KCNB2: variants seen among roughly 807,000 people sequenced by gnomAD.
KCNB2 encodes the protein potassium voltage-gated channel subfamily B member 2, also known as delayed rectifier potassium channel protein.
In KCNB2, 15 loss-of-function variants were observed where a neutral mutation model predicts 61.5. That is an observed-to-expected ratio of 0.24 (90% CI 0.16 to 0.38). The LOEUF (loss-of-function observed/expected upper bound fraction) is 0.38, where lower values mean the gene tolerates loss of function less well. Among genes scored for constraint, KCNB2 ranks in the 10% least tolerant of loss-of-function variants. The pLI is 1.00. For synonymous variants in KCNB2, 457 were observed against 446.0 expected, an observed-to-expected ratio of 1.02 and a Z score of -0.31; for missense variants, 828 against 1,125.2, an observed-to-expected ratio of 0.74 and a Z score of 3.78.
intron 2 of KCNB2, among the ~76,000 whole-genome samples, chr8:72,816,839 C>T (rs1389159364): frequency 1.3e-5 from 2 of 152,176 alleles, no homozygotes; most frequent in African/African-American, 4.8e-5. Flanking sequence ...ACTGCCGTTT[C>T]TTGCACACTG....
chr8:72,638,691 C>T lies in KCNB2; in HGVS notation c.579+70378C>T, dbSNP rs142795826. 6.3e-3 allele frequency among the ~76,000 whole-genome samples: 966 copies of T among 152,226 alleles called. 5 individuals carry two copies. Among genetic ancestry groups the T allele is most frequent in the Non-Finnish European group, 7.2e-3 (488 of 67,996 alleles). On this transcript the variant is annotated intron_variant, in intron 2 of 2. Coordinates refer to ENST00000523207, the MANE Select transcript of KCNB2 (RefSeq NM_004770.3). ...GAAATCCAGTCTCAATCAAGTCCTACTCTTTTGTAGCTGGAAAAAACTCAG... is the reference window on the plus strand; with the variant it reads ...GAAATCCAGTCTCAATCAAGTCCTATTCTTTTGTAGCTGGAAAAAACTCAG...
intron 2 of KCNB2, among the ~76,000 whole-genome samples, chr8:72,717,777 CA>C (rs1409146070): frequency 6.6e-6 from 1 of 152,044 alleles, no homozygotes; most frequent in Non-Finnish European, 1.5e-5. Flanking sequence ...ACTAAAACAC[CA>C]AAAGCAATGG....
At chr8:72,786,064 A>G (rs1484070847) in intron 2 of KCNB2, among the ~76,000 whole-genome samples, 5 of 152,066 alleles carry the variant, frequency 3.3e-5, no homozygotes, top group Non-Finnish European at 7.4e-5. Flanking sequence ...GAAAAAAAAA[A>G]AAAGCAAAAA....
chr8:72,844,774 T>C (rs6993144), intron 2 of KCNB2, among the ~76,000 whole-genome samples: 129,801 of 152,202 alleles, frequency 0.85, 56,320 homozygotes, highest in Middle Eastern at 0.97. Flanking sequence ...TTGTGCTGTG[T>C]TTTTCAGCTC....
intron 2 of KCNB2, among the ~76,000 whole-genome samples, chr8:72,848,868 G>T (rs565594928): frequency 6.6e-6 from 1 of 151,810 alleles, no homozygotes; most frequent in South Asian, 2.1e-4. Flanking sequence ...ACCTTCTACC[G>T]TCAAGGAGCT....
chr8:72,582,118 G>A (rs1330832415), intron 2 of KCNB2, among the ~76,000 whole-genome samples: 1 of 152,152 alleles, frequency 6.6e-6, no homozygotes, highest in Non-Finnish European at 1.5e-5. Context: ...CCACATATAA[G>A]TTACATGAAG....
intron 2 of KCNB2, among the ~76,000 whole-genome samples, chr8:72,679,049 T>C (rs1806709486): frequency 6.6e-6 from 1 of 152,180 alleles, no homozygotes; most frequent in Non-Finnish European, 1.5e-5. Flanking sequence ...TGATTAAGTG[T>C]ATAGTTGGTT....
intron 1 of KCNB2, among the ~76,000 whole-genome samples, chr8:72,549,508 A>G (rs1007639111): frequency 1.3e-5 from 2 of 152,206 alleles, no homozygotes; most frequent in East Asian, 1.9e-4. Flanking sequence ...ATACCACTCT[A>G]TCTAGATGCC....
chr8:72,906,325 C>T (rs1806176230), intron 2 of KCNB2, among the ~76,000 whole-genome samples: 1 of 152,150 alleles, frequency 6.6e-6, no homozygotes, highest in African/African-American at 2.4e-5. Context: ...GCTTTTCAGT[C>T]CCCTATAGAT....
chr8:72,776,412 C>A (rs1477228846), intron 2 of KCNB2, among the ~76,000 whole-genome samples: 1 of 152,100 alleles, frequency 6.6e-6, no homozygotes. Flanking sequence ...TTTAAAAAAT[C>A]ATTTGATTAT....
chr8:72,794,767 G>A (rs2128998978), intron 2 of KCNB2, among the ~76,000 whole-genome samples: 1 of 152,212 alleles, frequency 6.6e-6, no homozygotes, highest in South Asian at 2.1e-4. Context: ...CAAGATTGAG[G>A]TGAGAGATAC....
intron 1 of KCNB2, among the ~76,000 whole-genome samples, chr8:72,561,773 A>G (rs1350970024): frequency 2.9e-4 from 7 of 24,036 alleles, no homozygotes; most frequent in African/African-American, 1.3e-3. Context: ...ATATATATAT[A>G]TATGGATATA....
At chr8:72,915,920 A>C (rs1049830795) in intron 2 of KCNB2, among the ~76,000 whole-genome samples, 4 of 152,098 alleles carry the variant, frequency 2.6e-5, no homozygotes, top group Non-Finnish European at 5.9e-5. Flanking sequence ...ATCCGTCTCA[A>C]AAAGAAAAGA....
chr8:72,575,402 A>G (rs1369029303), intron 2 of KCNB2, among the ~76,000 whole-genome samples: 1 of 152,106 alleles, frequency 6.6e-6, no homozygotes, highest in African/African-American at 2.4e-5. Flanking sequence ...TAAACATGAG[A>G]AGATGCTATT....
At chr8:72,644,647 T>C (rs377676772) in intron 2 of KCNB2, among the ~76,000 whole-genome samples, 1 of 152,306 alleles carries the variant, frequency 6.6e-6, no homozygotes, top group African/African-American at 2.4e-5. Context: ...ATCACTTTAA[T>C]TGTCAATTTA....
intron 2 of KCNB2, among the ~76,000 whole-genome samples, chr8:72,614,713 C>G (rs1805591858): frequency 6.6e-6 from 1 of 152,146 alleles, no homozygotes; most frequent in African/African-American, 2.4e-5. Context: ...TGCTCAAAGT[C>G]TTTGTCTCCC....
chr8:72,573,564 G>T (rs980617748), intron 2 of KCNB2, among the ~76,000 whole-genome samples: 5 of 151,992 alleles, frequency 3.3e-5, no homozygotes, highest in African/African-American at 1.2e-4. Context: ...CTACATTGAG[G>T]CCCCTCTGTG....
intron 2 of KCNB2, among the ~76,000 whole-genome samples, chr8:72,833,810 T>A (rs1440368): frequency 4.3e-4 from 66 of 152,012 alleles, no homozygotes; most frequent in African/African-American, 1.2e-3. Context: ...TTAGAAGTCA[T>A]AAGAAGGCCT....
At position 72,907,184 on chromosome 8, in the gene KCNB2, C is replaced by G. The variant is rs1202638534; in HGVS notation, c.580-28751C>G. 7.2e-5 allele frequency among the ~76,000 whole-genome samples: 11 copies of G among 152,000 alleles called. No homozygotes were observed. In the South Asian group the frequency reaches 2.3e-3, roughly 32 times the overall value. ...CCATCCTGGCCAACATGGTGAAACC[C>G]CGTCTCTACTAAAATTACAAAAATT... On this transcript the variant is annotated intron_variant, in intron 2 of 2. Transcript: ENST00000523207.
Sources: gnomAD v4.1 joint callset for allele counts (sites outside exome capture counted in the v4.1 genomes callset) on GRCh38, gnomAD v4.1.1 for gene constraint, MANE v1.5 for transcripts, NCBI Gene and HGNC (gene_info 2026-07-23, HGNC 2026-07-21) for gene names.